The following CARHSP1 variants were observed in gnomAD, a reference collection of about 807,000 sequenced individuals.
The protein encoded by CARHSP1 is calcium regulated heat stable protein 1.
CARHSP1 carries 14 observed loss-of-function variants against 12.5 expected under a neutral mutation model. The ratio of observed to expected loss-of-function variants is 1.12; its 90% confidence interval spans 0.74 to 1.75. CARHSP1 has a LOEUF of 1.75. Ranked by LOEUF, CARHSP1 falls within the 40% of genes most tolerant of loss-of-function variation. The probability of loss-of-function intolerance (pLI) is 0.00; values close to 1 mark genes in which losing one functional copy is unlikely to be tolerated. For missense variants in CARHSP1, 343 were observed against 201.6 expected (o/e 1.70, Z -4.25); for synonymous variants, 161 against 82.0 (o/e 1.96, Z -5.20).
rs1235321069 is a variant in CARHSP1 at position 8,860,175 on chromosome 16, C to A, written c.-7-840G>T. The A allele has an allele frequency of 2.9e-5, 29 of 985,450 alleles. 1 individual carries two copies. The South Asian group carries it at 1.0e-3, about 35-fold the overall frequency. The allele number at this position is 985,450 out of a possible 1,614,324, so 61.0% of individuals were successfully genotyped here. Reference sequence around the variant, plus strand: ...AGAGCTCAAGCGCCACGTTTGGATCCCTGAGCAGCTGTCACAAGCCTGCAC... The same window carrying A: ...AGAGCTCAAGCGCCACGTTTGGATCACTGAGCAGCTGTCACAAGCCTGCAC... On this transcript the variant is annotated intron_variant, in intron 1 of 3. Coordinates refer to ENST00000311052, the MANE Select transcript of CARHSP1 (RefSeq NM_014316.4).
chr16:8,859,319 C>T lies in CARHSP1; in HGVS notation c.10G>A (p.Glu4Lys). 3 of 1,601,204 alleles carry T rather than the reference C, an allele frequency of 1.9e-6. No individual in the cohort carries two copies. Among genetic ancestry groups the T allele is most frequent in the Non-Finnish European group, 2.5e-6 (3 of 1,178,594 alleles). ...GGGGGCTGTGGTGGTGGGGGAGGCTCAGATGACATGGCTGACCTGGAAAGA... is the reference window on the plus strand; with the variant it reads ...GGGGGCTGTGGTGGTGGGGGAGGCTTAGATGACATGGCTGACCTGGAAAGA... The part of the protein sequence containing the change: MSS[E>K]PPPPPQPPTH... The change falls in exon 2 of 4, where the codon GAG becomes AAG. Residue 4 changes from glutamate to lysine, a missense_variant. Transcript: ENST00000311052.
Position 8,853,993 on chromosome 16 carries a change from G to T in CARHSP1, c.*1171C>A, listed in dbSNP as rs1453598574. The T allele has an allele frequency of 6.6e-6, 1 of 152,186 alleles. No individual in the cohort carries two copies. The highest frequency in any genetic ancestry group is 1.5e-5 in the Non-Finnish European group (1 of 68,062). The allele number at this position is 152,186 out of a possible 1,614,324, so 9.4% of individuals were successfully genotyped here. On this transcript the variant is annotated 3_prime_UTR_variant, in exon 4 of 4. Transcript: ENST00000311052. ...CCCAGCTACTCAGGAGACTGAGGCG[G>T]AATTGCCAGAACCCTGGAGGGCAGA...
At chr16:8,866,613 G>T in intron 1 of CARHSP1, 1 of 217,174 alleles carries the variant, frequency 4.6e-6, no homozygotes, top group Non-Finnish European at 7.8e-6. Flanking sequence ...AGAGGTTGAC[G>T]CAGCAGCGTC....
At chr16:8,857,290 T>G (rs1412889174) in intron 3 of CARHSP1, among the ~76,000 whole-genome samples, 5,011 of 130,362 alleles carry the variant, frequency 0.038, 788 homozygotes, top group African/African-American at 0.13. Flanking sequence ...TTTTTTTTTT[T>G]TTTTTTTTTG....
At chr16:8,861,562 C>G (rs1275260246) in intron 1 of CARHSP1, 3 of 1,252,400 alleles carry the variant, frequency 2.4e-6, no homozygotes, top group Non-Finnish European at 3.1e-6. Context: ...CCTGAAATGT[C>G]AGAACCCCTC....
intron 3 of CARHSP1, chr16:8,857,534 C>T (rs112503049): frequency 2.0e-5 from 3 of 146,882 alleles, no homozygotes; most frequent in African/African-American, 5.0e-5. Flanking sequence ...TCAGGTGATC[C>T]GCCTGCCTCC....
At chr16:8,859,128 G>A (rs1267780079) in intron 2 of CARHSP1, 43 bp downstream of exon 2, 31 of 1,528,590 alleles carry the variant, frequency 2.0e-5, no homozygotes, top group Non-Finnish European at 2.7e-5. Flanking sequence ...CCTCAGGCAA[G>A]AGATCCATCT....
At chr16:8,866,045 C>G (rs2061449218) in intron 1 of CARHSP1, among the ~76,000 whole-genome samples, 1 of 152,168 alleles carries the variant, frequency 6.6e-6, no homozygotes, top group South Asian at 2.1e-4. Flanking sequence ...CCTCAACCTC[C>G]TGGGCTCAAG....
chr16:8,865,171 C>G (rs910298359), intron 1 of CARHSP1, among the ~76,000 whole-genome samples: 3 of 152,184 alleles, frequency 2.0e-5, no homozygotes, highest in African/African-American at 7.2e-5. Context: ...TGCAGTGGCA[C>G]AATCTCAGCT....
intron 2 of CARHSP1, 130 bp from the exon 3 acceptor site, chr16:8,858,602 G>T: frequency 8.7e-7 from 1 of 1,145,022 alleles, no homozygotes; most frequent in African/African-American, 1.6e-5. Flanking sequence ...CACACAGGCT[G>T]AGGACTGCAC....
At chr16:8,856,891 G>A (rs539146478) in intron 3 of CARHSP1, among the ~76,000 whole-genome samples, 43 of 152,096 alleles carry the variant, frequency 2.8e-4, no homozygotes, top group East Asian at 3.9e-4. Context: ...GGATGTGTGC[G>A]CCCCACCCCC....
chr16:8,855,405 G>A lies in CARHSP1; in HGVS notation c.282-79C>T, dbSNP rs1407715985. ...CCCCAAGACACCAGCCACCCTTCTG[G>A]TCACACAGCCACCAAAGCAGGCACC... is the stretch of plus-strand genomic sequence containing the variant. On this transcript the variant is annotated intron_variant, in intron 3 of 3. Coordinates refer to ENST00000311052, the MANE Select transcript of CARHSP1 (RefSeq NM_014316.4). 8 of 1,297,532 alleles carry A rather than the reference G, an allele frequency of 6.2e-6. No homozygotes were observed. In the East Asian group the frequency reaches 2.2e-4, roughly 35 times the overall value. The allele number at this position is 1,297,532 out of a possible 1,614,324, so 80.4% of individuals were successfully genotyped here.
chr16:8,859,618 C>T (rs958518456), intron 1 of CARHSP1, among the ~76,000 whole-genome samples: 3 of 152,070 alleles, frequency 2.0e-5, no homozygotes, highest in Admixed American at 6.5e-5. Flanking sequence ...CAGCACAAGG[C>T]ATGGATCCCG....
chr16:8,858,933 C>G (rs79516099), intron 2 of CARHSP1: 22,361 of 463,564 alleles, frequency 0.048, 756 homozygotes, highest in Middle Eastern at 0.079. Context: ...GATTCTGACC[C>G]CAGCAACTGC....
rs909261741 is a variant in CARHSP1, at chr16:8,856,734, C to G, written c.282-1408G>C. Among the ~76,000 whole-genome samples, 6 of 152,166 alleles carry G rather than the reference C, an allele frequency of 3.9e-5. No homozygotes were observed. In the South Asian group the frequency reaches 8.3e-4, roughly 21 times the overall value. ...GTGCAGAGTAGGACTCTGTCTGCCC[C>G]TGCCTGAAGTAAAAGACTTGGGGGT... On this transcript the variant is annotated intron_variant, in intron 3 of 3. Coordinates refer to ENST00000311052, the MANE Select transcript of CARHSP1 (RefSeq NM_014316.4).
rs2231702 is a variant in CARHSP1 at position 8,860,119 on chromosome 16, C to T, written c.-7-784G>A. Reference sequence around the variant, plus strand: ...CAAAAACTGACCCTCACGCAGTGTCCGCCTCCAGGGAACTGTGGAACACGT... The same window carrying T: ...CAAAAACTGACCCTCACGCAGTGTCTGCCTCCAGGGAACTGTGGAACACGT... On this transcript the variant is annotated intron_variant, in intron 1 of 3. Transcript: ENST00000311052. The T allele has an allele frequency of 4.8e-3, 4,751 of 985,140 alleles. 171 individuals are homozygous for T. In the African/African-American group the frequency reaches 0.075, roughly 16 times the overall value. 61.0% of individuals were successfully genotyped at this position (985,140 alleles called of 1,614,324 possible). A position where few individuals can be genotyped will look rare whatever the true frequency, so the allele number is the denominator to read the frequency against.
At chr16:8,858,579 C>A (rs112446561) in intron 2 of CARHSP1, 107 bp from the exon 3 acceptor site, 30 of 1,380,298 alleles carry the variant, frequency 2.2e-5, no homozygotes, top group Non-Finnish European at 2.7e-5. Flanking sequence ...TGGCCAGGAC[C>A]GCCATGTACA....
intron 1 of CARHSP1, among the ~76,000 whole-genome samples, chr16:8,862,518 C>T (rs999751082): frequency 1.3e-5 from 2 of 152,094 alleles, no homozygotes; most frequent in South Asian, 2.1e-4. Flanking sequence ...TAAACCAGAT[C>T]ATTACAGATC....
Position 8,858,418 on chromosome 16 carries a change from G to A in CARHSP1, c.213C>T (p.Cys71=), listed in dbSNP as rs142467243. ...TAATGAAGCCATGGCCCTTGGACCG[G>A]CAGAAGCATTTGCAGACTCCTTTGT... ...PVYKGVCKCF[C]RSKGHGFITP... The change falls in exon 3 of 4, where the codon TGC becomes TGT. Residue 71 remains cysteine, a synonymous_variant. Coordinates refer to ENST00000311052, the MANE Select transcript of CARHSP1 (RefSeq NM_014316.4). 1,329 of 1,614,024 alleles carry A rather than the reference G, an allele frequency of 8.2e-4. 9 individuals carry two copies. In the African/African-American group the frequency reaches 0.015, roughly 19 times the overall value.
Sources: gnomAD v4.1 joint callset for allele counts (sites outside exome capture counted in the v4.1 genomes callset) on GRCh38, gnomAD v4.1.1 for gene constraint, MANE v1.5 for transcripts, NCBI Gene and HGNC (gene_info 2026-07-23, HGNC 2026-07-21) for gene names.